The following TMEM132E variants were observed in gnomAD, a reference collection of about 807,000 sequenced individuals.
TMEM132E encodes transmembrane protein 132E.
TMEM132E carries 49 observed loss-of-function variants against 78.5 expected under a neutral mutation model. The observed-to-expected ratio is 0.62, with a 90% confidence interval of 0.50 to 0.79. The LOEUF (loss-of-function observed/expected upper bound fraction) is 0.79. TMEM132E is among the 30% of genes least tolerant of loss of function. The pLI, the probability that TMEM132E is intolerant of heterozygous loss-of-function variation, is 0.00. For missense variants in TMEM132E, 1,403 were observed against 1,470.9 expected, an observed-to-expected ratio of 0.95 and a Z score of 0.75; for synonymous variants, 715 against 670.6, an observed-to-expected ratio of 1.07 and a Z score of -1.02.
chr17:34,589,613 G>A lies in TMEM132E; in HGVS notation c.67+8470G>A, dbSNP rs147846022. ...AGGTGTGGGGGTCCTTGTGTTCAGG[G>A]ACTGCAAAGTCAACTTCTTCTGAGT... On this transcript the variant is annotated intron_variant, in intron 1 of 8. Coordinates refer to ENST00000631683, the MANE Select transcript of TMEM132E (RefSeq NM_001304438.2). Among the ~76,000 whole-genome samples, 145 of 152,246 alleles carry A rather than the reference G, an allele frequency of 9.5e-4. 1 individual carries two copies. Among genetic ancestry groups the A allele is most frequent in the African/African-American group, 3.3e-3 (139 of 41,554 alleles).
intron 1 of TMEM132E, among the ~76,000 whole-genome samples, chr17:34,593,527 G>A (rs986819): frequency 0.79 from 119,418 of 152,088 alleles, 46,997 homozygotes; most frequent in South Asian, 0.84. Context: ...GGGCCCCAGA[G>A]TCAGTGCTCT....
At chr17:34,615,059 G>A (rs1412096729) in intron 1 of TMEM132E, among the ~76,000 whole-genome samples, 1 of 152,178 alleles carries the variant, frequency 6.6e-6, no homozygotes, top group African/African-American at 2.4e-5. Flanking sequence ...GACTAGCAGG[G>A]AACTGGGAAA....
intron 2 of TMEM132E, 28 bp from the exon 3 acceptor site, chr17:34,628,535 C>A (rs201064450): frequency 1.3e-4 from 215 of 1,612,764 alleles, no homozygotes; most frequent in Admixed American, 2.8e-4. Context: ...CTGACCCTCT[C>A]CCTCTTCTTC....
At chr17:34,618,389 C>T (rs1466772287) in intron 1 of TMEM132E, among the ~76,000 whole-genome samples, 1 of 149,038 alleles carries the variant, frequency 6.7e-6, no homozygotes, top group Non-Finnish European at 1.5e-5. Flanking sequence ...AGGTCCACGT[C>T]TGGTGATTTT....
chr17:34,583,139 G>A (rs949144233), intron 1 of TMEM132E, among the ~76,000 whole-genome samples: 4 of 152,224 alleles, frequency 2.6e-5, no homozygotes, highest in Admixed American at 1.3e-4. Flanking sequence ...TGGAGGCAGA[G>A]CCATGGGCTT....
chr17:34,587,215 GCC>G (rs1210965381), intron 1 of TMEM132E, among the ~76,000 whole-genome samples: 1 of 152,106 alleles, frequency 6.6e-6, no homozygotes. Flanking sequence ...CGGGGCCCTG[GCC>G]CTGAGAGAAC....
Position 34,629,179 on chromosome 17 carries a change from T to C in TMEM132E, c.1313T>C (p.Val438Ala). ...GAGCTGACGGTCATTCAGCGGGATG[T>C]GCAAGCCATCCTGCCCCTGGCCATG... ...VTELTVIQRD[V>A]QAILPLAMDT... is the part of the protein sequence containing the mutation. The change falls in exon 4 of 9, where the codon GTG becomes GCG. Residue 438 changes from valine to alanine, a missense_variant. Around this residue, in one of 3 missense-constraint regions of TMEM132E, gnomAD observed 888 missense variants for 952.8 expected, o/e 0.93. Transcript: ENST00000631683. 6.2e-7 allele frequency: 1 copy of C among 1,614,088 alleles called. No individual in the cohort carries two copies. Among genetic ancestry groups the C allele is most frequent in the Non-Finnish European group, 8.5e-7 (1 of 1,179,978 alleles).
intron 1 of TMEM132E, among the ~76,000 whole-genome samples, chr17:34,598,620 T>C (rs1322060411): frequency 2.0e-5 from 3 of 152,166 alleles, no homozygotes; most frequent in Admixed American, 1.3e-4. Context: ...CCCTTTGTCA[T>C]CCTCCCTGCA....
At chr17:34,581,949 C>G (rs143622591) in intron 1 of TMEM132E, among the ~76,000 whole-genome samples, 4 of 152,084 alleles carry the variant, frequency 2.6e-5, no homozygotes, top group Non-Finnish European at 5.9e-5. Context: ...TGAACAGCCC[C>G]CAAGAATGGG....
Position 34,638,269 on chromosome 17 carries a change from AC to A in TMEM132E, c.*38del. The A allele has an allele frequency of 7.1e-7, 1 of 1,409,302 alleles. No individual in the cohort carries two copies. Among genetic ancestry groups the A allele is most frequent in the Non-Finnish European group, 9.5e-7 (1 of 1,049,920 alleles). The allele number at this position is 1,409,302 out of a possible 1,614,324, so 87.3% of individuals were successfully genotyped here. ...GGAGTAGCAGGGACCCCCCCCCCCA[AC>A]GGGGTCAGCTCGGGGTAGGACACAG... On this transcript the variant is annotated 3_prime_UTR_variant, in exon 9 of 9. Coordinates refer to ENST00000631683, the MANE Select transcript of TMEM132E (RefSeq NM_001304438.2).
At chr17:34,634,498 A>G (rs962482260) in intron 6 of TMEM132E, among the ~76,000 whole-genome samples, 2 of 152,260 alleles carry the variant, frequency 1.3e-5, no homozygotes, top group South Asian at 4.1e-4. Flanking sequence ...CAAACTTAGT[A>G]CTGAAGAAGA....
intron 1 of TMEM132E, among the ~76,000 whole-genome samples, chr17:34,613,614 G>A (rs574334336): frequency 2.0e-5 from 3 of 151,082 alleles, no homozygotes; most frequent in South Asian, 2.1e-4. Context: ...CTCTTTCTCC[G>A]CCTCCCCCTA....
intron 1 of TMEM132E, among the ~76,000 whole-genome samples, chr17:34,601,663 C>A (rs899944563): frequency 6.6e-6 from 1 of 152,216 alleles, no homozygotes; most frequent in Admixed American, 6.5e-5. Flanking sequence ...GTCAATTAAG[C>A]CAATTTGTCT....
At chr17:34,582,160 G>A (rs78631594) in intron 1 of TMEM132E, among the ~76,000 whole-genome samples, 6,290 of 151,876 alleles carry the variant, frequency 0.041, 260 homozygotes, top group African/African-American at 0.11. Context: ...CGGGGTTGGG[G>A]GGCGGGGGTG....
chr17:34,627,684 G>A (rs187810732), intron 2 of TMEM132E, among the ~76,000 whole-genome samples: 1 of 152,260 alleles, frequency 6.6e-6, no homozygotes, highest in Non-Finnish European at 1.5e-5. Context: ...TTTGAGTTAT[G>A]TTGTGTGACT....
chr17:34,599,923 C>T (rs1039194326), intron 1 of TMEM132E, among the ~76,000 whole-genome samples: 9 of 152,108 alleles, frequency 5.9e-5, no homozygotes, highest in Admixed American at 5.2e-4. Context: ...TTTATAAGGC[C>T]CTCCAGCATC....
chr17:34,581,272 T>G, intron 1 of TMEM132E, 129 bp downstream of exon 1: 2 of 848,258 alleles, frequency 2.4e-6, no homozygotes, highest in East Asian at 3.6e-5. Flanking sequence ...TTGGCGTCTC[T>G]GGCTGCAGCT....
chr17:34,594,022 C>G (rs1270835240), intron 1 of TMEM132E, among the ~76,000 whole-genome samples: 3 of 152,194 alleles, frequency 2.0e-5, no homozygotes, highest in Non-Finnish European at 4.4e-5. Flanking sequence ...CCTCCTACCT[C>G]TTTCAGGTCC....
intron 1 of TMEM132E, among the ~76,000 whole-genome samples, chr17:34,601,182 A>G (rs955592147): frequency 1.3e-5 from 2 of 152,216 alleles, no homozygotes; most frequent in African/African-American, 2.4e-5. Flanking sequence ...TAATGAGGAA[A>G]TAGACAAAAA....
Sources: gnomAD v4.1 joint callset for allele counts (sites outside exome capture counted in the v4.1 genomes callset) on GRCh38, gnomAD v4.1.1 for gene constraint, gnomAD v4.1.1 regional missense constraint, MANE v1.5 for transcripts, NCBI Gene and HGNC (gene_info 2026-07-23, HGNC 2026-07-21) for gene names.